Variants in SPECC1 observed in about 807,000 individuals in gnomAD.
SPECC1 encodes cytospin-B.
Under a neutral mutation model 104.1 loss-of-function variants are expected in SPECC1, and 62 were observed. That is an observed-to-expected ratio of 0.60 (90% CI 0.49 to 0.74). The LOEUF (loss-of-function observed/expected upper bound fraction) is 0.74. Among genes scored for constraint, SPECC1 ranks in the 30% least tolerant of loss-of-function variants. The pLI, the probability that SPECC1 is intolerant of heterozygous loss-of-function variation, is 0.00. For synonymous variants in SPECC1, 513 were observed against 501.6 expected (o/e 1.02, Z -0.30); for missense variants, 1,306 against 1,310.5 (o/e 1.00, Z 0.05).
chr17:20,125,180 AAAAAAC>A (rs564056102), intron 3 of SPECC1, among the ~76,000 whole-genome samples: 4 of 133,848 alleles, frequency 3.0e-5, no homozygotes, highest in Admixed American at 1.6e-4. Flanking sequence ...ACTCCATCTC[AAAAAAC>A]AAAAACAAAA....
In SPECC1 at chr17:20,214,033, T is replaced by C. The variant is rs554757479; in HGVS notation, c.1863+8121T>C. ...GTAAAAAAATCTTAACCCACAGCAG[T>C]CACCCTCCAAGACCGCCTCCCTCCC... On this transcript the variant is annotated intron_variant, in intron 4 of 14. Transcript: ENST00000395527. 3.3e-4 allele frequency among the ~76,000 whole-genome samples: 50 copies of C among 152,316 alleles called. 1 individual carries two copies. Among genetic ancestry groups the C allele is most frequent in the African/African-American group, 1.2e-3 (48 of 41,578 alleles).
At chr17:20,141,644 G>A (rs767645465) in intron 3 of SPECC1, among the ~76,000 whole-genome samples, 10 of 152,102 alleles carry the variant, frequency 6.6e-5, no homozygotes, top group Non-Finnish European at 8.8e-5. Context: ...AACCATCACC[G>A]CAGATGAGTT....
At chr17:20,235,694 T>C (rs2038869268) in intron 7 of SPECC1, among the ~76,000 whole-genome samples, 2 of 152,264 alleles carry the variant, frequency 1.3e-5, no homozygotes, top group South Asian at 2.1e-4. Context: ...GGGTGACTTA[T>C]CTGATTCTTA....
At position 20,110,706 on chromosome 17, in the gene SPECC1, C is replaced by T. The variant is rs78397393; in HGVS notation, c.283+144C>T. On this transcript the variant is annotated intron_variant, in intron 3 of 14. Transcript: ENST00000395527. Reference sequence around the variant, plus strand: ...CTGGGCCGGAACTGTTTTAGGCAGACGATGTCGCTGCCCACAGGGAGTTTA... The same window carrying T: ...CTGGGCCGGAACTGTTTTAGGCAGATGATGTCGCTGCCCACAGGGAGTTTA... The T allele has an allele frequency of 3.8e-3, 3,710 of 984,346 alleles. 213 individuals carry two copies. In the East Asian group the frequency reaches 0.1, roughly 28 times the overall value. 61.0% of individuals were successfully genotyped at this position (984,346 alleles called of 1,614,324 possible).
chr17:20,170,895 A>G (rs2034037528), intron 3 of SPECC1, among the ~76,000 whole-genome samples: 1 of 152,018 alleles, frequency 6.6e-6, no homozygotes, highest in African/African-American at 2.4e-5. Context: ...GCCCTTGAAA[A>G]TCCCCTTTGT....
intron 9 of SPECC1, among the ~76,000 whole-genome samples, chr17:20,250,171 C>A (rs1019197460): frequency 2.6e-5 from 4 of 152,158 alleles, no homozygotes; most frequent in African/African-American, 4.8e-5. Context: ...AAGAAAACAC[C>A]TGCTTTCCTT....
At chr17:20,247,446 T>G (rs9911147) in intron 9 of SPECC1, 127 bp downstream of exon 9, 6,034 of 593,742 alleles carry the variant, frequency 0.01, 288 homozygotes, top group African/African-American at 0.099. Flanking sequence ...GTAAATTGGA[T>G]TGCACTATGC....
At chr17:20,076,058 A>G (rs981948786) in intron 1 of SPECC1, among the ~76,000 whole-genome samples, 1 of 152,160 alleles carries the variant, frequency 6.6e-6, no homozygotes, top group South Asian at 2.1e-4. Context: ...TCAAGGTTAC[A>G]ATGAACTATG....
intron 12 of SPECC1, among the ~76,000 whole-genome samples, chr17:20,268,123 G>T (rs999719008): frequency 6.6e-6 from 1 of 152,228 alleles, no homozygotes; most frequent in Non-Finnish European, 1.5e-5. Flanking sequence ...TCAAAAGAAA[G>T]AAGAGTTTAG....
intron 10 of SPECC1, among the ~76,000 whole-genome samples, 188 bp downstream of exon 10, chr17:20,253,774 T>A (rs567670370): frequency 2.5e-4 from 38 of 152,236 alleles, no homozygotes; most frequent in African/African-American, 7.7e-4. Flanking sequence ...GGAAAAAGTG[T>A]CTCCTGCCAG....
chr17:20,129,757 T>A (rs931599675), intron 3 of SPECC1, among the ~76,000 whole-genome samples: 23 of 152,146 alleles, frequency 1.5e-4, no homozygotes, highest in African/African-American at 5.1e-4. Context: ...TTTTGTTTGT[T>A]TGTTTGGTTG....
At chr17:20,086,373 TG>T (rs1304254828) in intron 1 of SPECC1, among the ~76,000 whole-genome samples, 1 of 152,162 alleles carries the variant, frequency 6.6e-6, no homozygotes, top group African/African-American at 2.4e-5. Context: ...ACAGACAGAC[TG>T]CCAGGGACCC....
chr17:20,132,735 A>G (rs1042995354), intron 3 of SPECC1, among the ~76,000 whole-genome samples: 1 of 150,308 alleles, frequency 6.7e-6, no homozygotes, highest in Non-Finnish European at 1.5e-5. Flanking sequence ...TTATTTATTT[A>G]TTTATTTATT....
chr17:20,282,677 C>T (rs1409939505), intron 12 of SPECC1, among the ~76,000 whole-genome samples: 3 of 152,168 alleles, frequency 2.0e-5, no homozygotes, highest in African/African-American at 7.2e-5. Context: ...CTTCACACGT[C>T]ATTCTGCCCA....
At chr17:20,293,657 C>T (rs972574410) in intron 12 of SPECC1, among the ~76,000 whole-genome samples, 2 of 152,126 alleles carry the variant, frequency 1.3e-5, no homozygotes, top group Non-Finnish European at 1.5e-5. Context: ...AGGAAGGAGC[C>T]CTAGACTTGC....
intron 12 of SPECC1, among the ~76,000 whole-genome samples, chr17:20,270,782 T>C (rs1353102541): frequency 1.3e-5 from 2 of 152,210 alleles, no homozygotes; most frequent in Admixed American, 6.5e-5. Flanking sequence ...CATTTTAATA[T>C]ATATTCTCAA....
At chr17:20,308,797 G>T (rs2041848475) in intron 14 of SPECC1, among the ~76,000 whole-genome samples, 1 of 152,160 alleles carries the variant, frequency 6.6e-6, no homozygotes, top group South Asian at 2.1e-4. Flanking sequence ...GAGTAGCAGG[G>T]ATCTCCCTTC....
At chr17:20,093,465 C>G (rs770685085) in intron 1 of SPECC1, among the ~76,000 whole-genome samples, 1 of 152,204 alleles carries the variant, frequency 6.6e-6, no homozygotes, top group Non-Finnish European at 1.5e-5. Context: ...TTTAGCAGTG[C>G]TTTGCCAGGC....
chr17:20,111,717 G>T (rs1441263255), intron 3 of SPECC1: 5 of 638,308 alleles, frequency 7.8e-6, no homozygotes, highest in Non-Finnish European at 1.4e-5. Context: ...GAAAGGAGGC[G>T]AATCCCAGTG....
Sources: allele counts gnomAD v4.1 joint callset (sites outside exome capture counted in the v4.1 genomes callset), GRCh38; gene constraint gnomAD v4.1.1; transcripts MANE v1.5; gene names NCBI Gene and HGNC (gene_info 2026-07-23, HGNC 2026-07-21).